DYNC1H1: variants seen among roughly 807,000 people sequenced by gnomAD.
DYNC1H1 encodes the protein cytoplasmic dynein 1 heavy chain 1.
Under a neutral mutation model 527.1 loss-of-function variants are expected in DYNC1H1, and 51 were observed. The observed-to-expected ratio is 0.10, with a 90% CI of 0.08 to 0.12. DYNC1H1 has a LOEUF of 0.12. DYNC1H1 is among the 10% of genes least tolerant of loss of function. The pLI is 1.00. For synonymous variants in DYNC1H1, 2,189 were observed against 2,278.8 expected, an observed-to-expected ratio of 0.96 and a Z score of 1.12; for missense variants, 2,771 against 5,971.8, an observed-to-expected ratio of 0.46 and a Z score of 17.66.
intron 16 of DYNC1H1, among the ~76,000 whole-genome samples, chr14:101,999,279 C>T (rs896712172): frequency 1.6e-4 from 24 of 152,070 alleles, no homozygotes; most frequent in African/African-American, 5.8e-4. Context: ...TGGGATCAAG[C>T]GTTGTAGCTG....
intron 51 of DYNC1H1, chr14:102,030,559 T>C (rs1222588611): frequency 2.4e-6 from 1 of 421,714 alleles, no homozygotes; most frequent in Non-Finnish European, 4.4e-6. Flanking sequence ...TATACGTTTT[T>C]AGAGATCTGT....
rs1034831471 is a variant in DYNC1H1, at chr14:102,054,438, G to T, written c.*3875G>T. 6.6e-6 allele frequency: 1 copy of T among 152,018 alleles called. No homozygotes were observed. Among genetic ancestry groups the T allele is most frequent in the Non-Finnish European group, 1.5e-5 (1 of 67,990 alleles). 9.4% of individuals were successfully genotyped at this position (152,018 alleles called of 1,614,324 possible). A position where few individuals can be genotyped will look rare whatever the true frequency, so the allele number is the denominator to read the frequency against. On this transcript the variant is annotated 3_prime_UTR_variant, in exon 78 of 78. Coordinates refer to ENST00000360184, the MANE Select transcript of DYNC1H1 (RefSeq NM_001376.5). ...TTAAGTCCGAACCTTGTTTTCAAAG[G>T]TGCCCATTGCCTGTTCTCAAAGCAA...
Position 102,001,249 on chromosome 14 carries a change from C to T in DYNC1H1, c.4290C>T (p.Thr1430=), listed in dbSNP as rs770552556. The T allele has an allele frequency of 1.5e-5, 24 of 1,614,060 alleles. No homozygotes were observed. In the East Asian group the frequency reaches 5.1e-4, roughly 34 times the overall value. The change falls in exon 20 of 78, where the codon ACC becomes ACT. Residue 1430 remains threonine, a synonymous_variant. Transcript: ENST00000360184. This position sits in a 1 kb window ranked among gnomAD's most constrained non-coding sequence, Gnocchi z 5.0. ...TTAATTGGGTTGTTTCTGAGCTAAC[C>T]CTTGGCCAAATCTGGGATGTTGACT... ...LHVNWVVSEL[T]LGQIWDVDLQ... is the part of the protein sequence containing the mutation.
Position 102,049,134 on chromosome 14 carries a change from G to C in DYNC1H1, c.13373-306G>C, listed in dbSNP as rs552696871. The C allele has an allele frequency of 1.1e-5, 5 of 470,860 alleles. No homozygotes were observed. Among genetic ancestry groups the C allele is most frequent in the South Asian group, 8.2e-5 (4 of 48,638 alleles). 29.2% of individuals were successfully genotyped at this position (470,860 alleles called of 1,614,324 possible). On this transcript the variant is annotated intron_variant, in intron 74 of 77. Coordinates refer to ENST00000360184, the MANE Select transcript of DYNC1H1 (RefSeq NM_001376.5). This position sits in a 1 kb window ranked among gnomAD's most constrained non-coding sequence, Gnocchi z 5.5. ...AATTGCCAGGAACACTGAGCCACTT[G>C]TGTGACATGAGGTTTTAGCCGCGGT... is the stretch of plus-strand genomic sequence containing the variant.
chr14:102,032,724 G>A lies in DYNC1H1; in HGVS notation c.10079+257G>A, dbSNP rs2048523556. On this transcript the variant is annotated intron_variant, in intron 52 of 77. Transcript: ENST00000360184. The stretch of plus-strand genomic sequence containing the variant: ...AAAAATGAGCTGGGCGGGGTGGCAT[G>A]CGCCTGTAGTCCTAGCTACTTGGGA... 32 of 585,046 alleles carry A rather than the reference G, an allele frequency of 5.5e-5. 1 individual carries two copies. In the South Asian group the frequency reaches 5.9e-4, roughly 11 times the overall value. The allele number at this position is 585,046 out of a possible 1,614,324, so 36.2% of individuals were successfully genotyped here.
Position 102,005,852 on chromosome 14 carries a change from T to A in DYNC1H1, c.5434-36T>A. On this transcript the variant is annotated intron_variant, in intron 26 of 77. Transcript: ENST00000360184. This position sits in a 1 kb window ranked among gnomAD's most constrained non-coding sequence, Gnocchi z 4.0. ...CGGAGAATGCACTGTATTGCTTTAGTGTAGATGAACTTTTAAAGTGACTCT... is the reference window on the plus strand; with the variant it reads ...CGGAGAATGCACTGTATTGCTTTAGAGTAGATGAACTTTTAAAGTGACTCT... 6.2e-7 allele frequency: 1 copy of A among 1,613,716 alleles called. No individual in the cohort carries two copies. The highest frequency in any genetic ancestry group is 8.5e-7 in the Non-Finnish European group (1 of 1,179,744).
chr14:102,039,312 A>G lies in DYNC1H1; in HGVS notation c.11460+58A>G. ...CCCCGCACAGTAGCTCCTTGGCCGC[A>G]CAGAGGCTGGCGGGCCCTGCACAGT... On this transcript the variant is annotated intron_variant, in intron 60 of 77. Transcript: ENST00000360184. This position sits in a 1 kb window ranked among gnomAD's most constrained non-coding sequence, Gnocchi z 7.0. 1.9e-6 allele frequency: 3 copies of G among 1,611,482 alleles called. No homozygotes were observed. In the East Asian group the frequency reaches 6.7e-5, roughly 36 times the overall value.
At chr14:102,025,404 C>CA (rs530562855) in intron 43 of DYNC1H1, among the ~76,000 whole-genome samples, 5,633 of 112,406 alleles carry the variant, frequency 0.05, 316 homozygotes, top group African/African-American at 0.14. Flanking sequence ...GACTCTGTCT[C>CA]AAAAAAAAAA....
chr14:102,003,668 G>A (rs1400729686), intron 23 of DYNC1H1, among the ~76,000 whole-genome samples: 4 of 152,180 alleles, frequency 2.6e-5, no homozygotes, highest in African/African-American at 9.7e-5. Flanking sequence ...GGTGGCTCAC[G>A]CCTGTAATCC....
At position 102,036,725 on chromosome 14, in the gene DYNC1H1, G is replaced by A. The variant is rs1057195954; in HGVS notation, c.10908+83G>A. The A allele has an allele frequency of 7.2e-6, 11 of 1,535,156 alleles. No individual in the cohort carries two copies. The highest frequency in any genetic ancestry group is 9.0e-6 in the Non-Finnish European group (10 of 1,111,102). On this transcript the variant is annotated intron_variant, in intron 57 of 77. Transcript: ENST00000360184. The surrounding 1 kb of genome is among the most constrained non-coding windows in gnomAD (Gnocchi z 5.6). ...GGGGCTGCCTTTAGTTTTCAACTTT[G>A]TAAGACTTCATTTTGTATCAGAAGG...
intron 34 of DYNC1H1, among the ~76,000 whole-genome samples, chr14:102,013,687 G>A (rs560411159): frequency 1.3e-5 from 2 of 152,202 alleles, no homozygotes; most frequent in Non-Finnish European, 2.9e-5. Flanking sequence ...CCATGGAGCA[G>A]CCTGGACAGG....
At chr14:101,995,749 A>G (rs544464835) in intron 15 of DYNC1H1, among the ~76,000 whole-genome samples, 1 of 151,964 alleles carries the variant, frequency 6.6e-6, no homozygotes, top group Non-Finnish European at 1.5e-5. Flanking sequence ...CTGTTACAAC[A>G]GCCTGATGTG....
chr14:101,985,729 C>A lies in DYNC1H1; in HGVS notation c.1504C>A (p.Pro502Thr), dbSNP rs776531061. ...ACAGAATCAAGGAGAGGTCCCTGAA[C>A]CCCAAGATATGAAAGTGGCTGAGGT... is the stretch of plus-strand genomic sequence containing the variant. ...AQQNQGEVPE[P>T]QDMKVAEVLF... Residue 502 changes from proline (P) to threonine (T), a missense_variant, in exon 8 of 78, where the codon CCC (proline) becomes ACC (threonine). Pro to Thr is a conservative substitution (Grantham distance 38). Coordinates refer to ENST00000360184, the MANE Select transcript of DYNC1H1 (RefSeq NM_001376.5). This position sits in a 1 kb window ranked among gnomAD's most constrained non-coding sequence, Gnocchi z 5.9. 1 of 1,614,174 alleles carries A rather than the reference C, an allele frequency of 6.2e-7. No individual in the cohort carries two copies. The highest frequency in any genetic ancestry group is 8.5e-7 in the Non-Finnish European group (1 of 1,180,046).
Position 101,995,018 on chromosome 14 carries a change from T to C in DYNC1H1, c.3366T>C (p.Ser1122=). Residue 1122 remains serine, a synonymous_variant, in exon 14 of 78, where the codon TCT becomes TCC. Transcript: ENST00000360184. ...VQSKVNLKYD[S]WHKEVLSKFG... ...CTAAGGTGAACTTGAAATATGACTCTTGGCATAAGGAGGTTCTTAGCAAAT... is the reference window on the plus strand; with the variant it reads ...CTAAGGTGAACTTGAAATATGACTCCTGGCATAAGGAGGTTCTTAGCAAAT... 6.2e-7 allele frequency: 1 copy of C among 1,614,220 alleles called. No homozygotes were observed. The highest frequency in any genetic ancestry group is 8.5e-7 in the Non-Finnish European group (1 of 1,180,036).
chr14:101,977,014 C>T (rs193238537), intron 2 of DYNC1H1, among the ~76,000 whole-genome samples: 35 of 152,204 alleles, frequency 2.3e-4, no homozygotes, highest in African/African-American at 8.2e-4. Flanking sequence ...TTAACGTTTG[C>T]GGATTTTGGT....
Position 101,965,078 on chromosome 14 carries a change from C to CA in DYNC1H1, c.256+132dup. 1 of 998,572 alleles carries CA rather than the reference C, an allele frequency of 1.0e-6. No individual in the cohort carries two copies. The highest frequency in any genetic ancestry group is 3.2e-5 in the East Asian group (1 of 31,742). 61.9% of individuals were successfully genotyped at this position (998,572 alleles called of 1,614,324 possible). On this transcript the variant is annotated intron_variant, in intron 1 of 77. Coordinates refer to ENST00000360184, the MANE Select transcript of DYNC1H1 (RefSeq NM_001376.5). This position sits in a 1 kb window ranked among gnomAD's most constrained non-coding sequence, Gnocchi z 4.1. Reference sequence around the variant, plus strand: ...CAGCTGCAGATGACCCCTGGATGGGCAGAGCCCGGCGGCCGCAGACGTCCC... The same window carrying CA: ...CAGCTGCAGATGACCCCTGGATGGGCAAGAGCCCGGCGGCCGCAGACGTCCC...
At position 102,040,346 on chromosome 14, in the gene DYNC1H1, C is replaced by A. The variant is rs751780173; in HGVS notation, c.11801C>A (p.Ala3934Glu). The A allele has an allele frequency of 1.9e-6, 3 of 1,614,144 alleles. No homozygotes were observed. The highest frequency in any genetic ancestry group is 2.5e-6 in the Non-Finnish European group (3 of 1,180,040). Residue 3934 changes from alanine to glutamate, a missense_variant, in exon 63 of 78, where the codon GCG becomes GAG. Physicochemically the swap from Ala to Glu is moderately radical, Grantham distance 107 (BLOSUM62 -1). Around this residue, in one of 32 missense-constraint regions of DYNC1H1, gnomAD observed 120 missense variants for 161.9 expected, o/e 0.74. Transcript: ENST00000360184. ...GGCCTGACTGTGGAGCAGGCGGAGG[C>A]GGTGGTGAGGCTGAGCTGCCTTCCC... Reference protein sequence around the residue: ...IQGLTVEQAEAVVRLSCLPAF... With the variant: ...IQGLTVEQAEEVVRLSCLPAF...
intron 43 of DYNC1H1, 85 bp downstream of exon 43, chr14:102,022,965 C>T (rs1354778088): frequency 7.5e-6 from 12 of 1,599,246 alleles, no homozygotes; most frequent in Non-Finnish European, 1.0e-5. Flanking sequence ...TTATCTTCTA[C>T]TCAAAAATAT....
intron 29 of DYNC1H1, 38 bp from the exon 30 acceptor site, chr14:102,009,805 T>TA: frequency 1.2e-6 from 2 of 1,613,116 alleles, no homozygotes; most frequent in Non-Finnish European, 8.5e-7. Context: ...TTTTTTTTTT[T>TA]AACATTTCTA....
Sources: allele counts gnomAD v4.1 joint callset (sites outside exome capture counted in the v4.1 genomes callset), GRCh38; gene constraint gnomAD v4.1.1; regional missense constraint gnomAD v4.1.1; non-coding constraint Gnocchi (gnomAD v3.1); transcripts MANE v1.5; gene names NCBI Gene and HGNC (gene_info 2026-07-23, HGNC 2026-07-21).